SGCZ: variants seen among roughly 807,000 people sequenced by gnomAD.
SGCZ encodes the protein zeta-sarcoglycan.
A neutral mutation model predicts 41.3 loss-of-function variants in SGCZ; 40 were observed. The ratio of observed to expected loss-of-function variants is 0.97; its 90% CI spans 0.75 to 1.26. SGCZ has a LOEUF of 1.26. Ranked by LOEUF, SGCZ falls within the 50% of genes most tolerant of loss-of-function variation. The pLI, the probability that SGCZ is intolerant of heterozygous loss-of-function variation, is 0.00. For missense variants in SGCZ, 552 were observed against 369.8 expected (o/e 1.49, Z -4.04); for synonymous variants, 206 against 137.5 (o/e 1.50, Z -3.49).
chr8:14,672,379 T>C (rs1036340457), intron 1 of SGCZ, among the ~76,000 whole-genome samples: 3 of 152,198 alleles, frequency 2.0e-5, no homozygotes, highest in Non-Finnish European at 4.4e-5. Context: ...TTTAAGAATA[T>C]TCTTGCAAGA....
chr8:14,304,711 C>T (rs1801296803), intron 3 of SGCZ, among the ~76,000 whole-genome samples: 1 of 152,026 alleles, frequency 6.6e-6, no homozygotes, highest in East Asian at 1.9e-4. Flanking sequence ...ATTTCACTTC[C>T]TGAAAAAGGG....
chr8:14,208,430 C>T (rs1214181030), intron 4 of SGCZ, among the ~76,000 whole-genome samples: 2 of 152,026 alleles, frequency 1.3e-5, no homozygotes, highest in African/African-American at 2.4e-5. Flanking sequence ...GGTTGTCTCT[C>T]TAGAGCAAGT....
At chr8:14,480,703 G>A (rs1250707163) in intron 2 of SGCZ, among the ~76,000 whole-genome samples, 6 of 151,828 alleles carry the variant, frequency 4.0e-5, no homozygotes. Context: ...GAATATTAAA[G>A]ACATTTCATT....
At chr8:14,513,566 T>C (rs932417582) in intron 2 of SGCZ, among the ~76,000 whole-genome samples, 49 of 102,170 alleles carry the variant, frequency 4.8e-4, no homozygotes, top group African/African-American at 2.0e-3. Context: ...TGTTCATCTA[T>C]AGCCCTTTCA....
intron 4 of SGCZ, among the ~76,000 whole-genome samples, chr8:14,175,334 A>G (rs1029946669): frequency 2.0e-5 from 3 of 152,126 alleles, no homozygotes; most frequent in Non-Finnish European, 4.4e-5. Context: ...CAAAAATCAG[A>G]GACATGGGAA....
At chr8:15,033,602 C>A (rs1004589212) in intron 1 of SGCZ, among the ~76,000 whole-genome samples, 1 of 152,148 alleles carries the variant, frequency 6.6e-6, no homozygotes, top group African/African-American at 2.4e-5. Context: ...TGGACTCAAG[C>A]TCCAAGCCCA....
intron 1 of SGCZ, among the ~76,000 whole-genome samples, chr8:14,719,836 T>G (rs977004116): frequency 1.1e-3 from 168 of 152,150 alleles, no homozygotes; most frequent in African/African-American, 3.9e-3. Flanking sequence ...TTTCTTTTGC[T>G]GTGCAGAAGC....
At chr8:15,182,030 T>C (rs1249232935) in intron 1 of SGCZ, among the ~76,000 whole-genome samples, 3 of 152,180 alleles carry the variant, frequency 2.0e-5, no homozygotes, top group Admixed American at 1.3e-4. Flanking sequence ...TATCCATTCA[T>C]AGGACAATCC....
intron 3 of SGCZ, among the ~76,000 whole-genome samples, chr8:14,239,733 T>C (rs1390057626): frequency 1.3e-5 from 2 of 150,712 alleles, no homozygotes; most frequent in African/African-American, 4.9e-5. Flanking sequence ...AAACCCCGTC[T>C]CTACTAAAAA....
At chr8:14,211,650 G>GGA (rs35869144) in intron 4 of SGCZ, among the ~76,000 whole-genome samples, 13,665 of 149,936 alleles carry the variant, frequency 0.091, 1,328 homozygotes, top group African/African-American at 0.25. Context: ...CAATTAAGCA[G>GGA]GAGAGAGAGA....
intron 2 of SGCZ, among the ~76,000 whole-genome samples, chr8:14,411,689 T>C (rs1272604516): frequency 1.3e-5 from 2 of 152,116 alleles, no homozygotes; most frequent in Non-Finnish European, 1.5e-5. Flanking sequence ...CATTAAATAT[T>C]TGTTTCATGT....
intron 1 of SGCZ, among the ~76,000 whole-genome samples, chr8:14,886,411 T>C (rs1375274735): frequency 6.6e-6 from 1 of 151,982 alleles, no homozygotes. Flanking sequence ...CAAAATATAT[T>C]GGGAGGTAGG....
intron 2 of SGCZ, among the ~76,000 whole-genome samples, chr8:14,328,715 A>G (rs1252566310): frequency 6.6e-6 from 1 of 152,196 alleles, no homozygotes; most frequent in African/African-American, 2.4e-5. Context: ...CATCATTGCT[A>G]TGGTTCAAAT....
At chr8:15,159,101 G>A (rs1799421120) in intron 1 of SGCZ, among the ~76,000 whole-genome samples, 1 of 152,136 alleles carries the variant, frequency 6.6e-6, no homozygotes, top group African/African-American at 2.4e-5. Flanking sequence ...AGGGGAGGGG[G>A]CCTAAGGTCA....
chr8:14,984,563 GTTGCTGCAACCACACAATATCA>G (rs1165394283), intron 1 of SGCZ, among the ~76,000 whole-genome samples: 6 of 151,622 alleles, frequency 4.0e-5, no homozygotes, highest in African/African-American at 1.5e-4. Context: ...TCTGGATTTT[GTTGCTGCAACCACACAATATCA>G]TTTAACAGGT....
intron 1 of SGCZ, among the ~76,000 whole-genome samples, chr8:15,119,162 A>C (rs1354684687): frequency 6.6e-6 from 1 of 152,210 alleles, no homozygotes; most frequent in Non-Finnish European, 1.5e-5. Flanking sequence ...ATATAACACA[A>C]TTGACAGAAA....
chr8:14,609,600 A>G (rs1805862486), intron 1 of SGCZ, among the ~76,000 whole-genome samples: 1 of 152,206 alleles, frequency 6.6e-6, no homozygotes, highest in Non-Finnish European at 1.5e-5. Context: ...CTGTCATGAT[A>G]TTCAACACTT....
chr8:14,286,422 A>G (rs910923498), intron 3 of SGCZ, among the ~76,000 whole-genome samples: 52 of 151,872 alleles, frequency 3.4e-4, no homozygotes, highest in African/African-American at 1.0e-3. Flanking sequence ...AAAATGACAT[A>G]GATAACTCAG....
At chr8:14,164,529 G>A (rs759756735) in intron 5 of SGCZ, 51 bp downstream of exon 5, 50 of 1,605,810 alleles carry the variant, frequency 3.1e-5, no homozygotes, top group Non-Finnish European at 1.4e-5. Flanking sequence ...TTGTGCAGTT[G>A]TATATTCTTT....
Sources: allele counts gnomAD v4.1 joint callset (sites outside exome capture counted in the v4.1 genomes callset), GRCh38; gene constraint gnomAD v4.1.1; transcripts MANE v1.5; gene names NCBI Gene and HGNC (gene_info 2026-07-23, HGNC 2026-07-21).